USF3: variants seen among roughly 807,000 people sequenced by gnomAD.
USF3 encodes the protein upstream transcription factor family member 3, also known as basic helix-loop-helix domain-containing protein USF3.
In USF3, 29 loss-of-function variants were observed where a neutral mutation model predicts 157.5. The observed-to-expected ratio is 0.18, with a 90% CI of 0.14 to 0.25. The LOEUF is 0.25. Ranked by LOEUF, USF3 falls within the 10% of genes least tolerant of loss-of-function variation. USF3 has a pLI of 1.00. For synonymous variants in USF3, 893 were observed against 941.4 expected (o/e 0.95, Z 0.94); for missense variants, 2,381 against 2,667.6 (o/e 0.89, Z 2.37).
At position 113,657,552 on chromosome 3, in the gene USF3, T is replaced by C. The variant is rs1433278460; in HGVS notation, c.4130A>G (p.Gln1377Arg). 7.4e-6 allele frequency: 12 copies of C among 1,614,082 alleles called. No individual in the cohort carries two copies. Among genetic ancestry groups the C allele is most frequent in the Non-Finnish European group, 1.0e-5 (12 of 1,180,044 alleles). The change falls in exon 7 of 7, where the codon CAG becomes CGG. Residue 1377 changes from glutamine (Q) to arginine (R), a missense_variant. Coordinates refer to ENST00000316407, the MANE Select transcript of USF3 (RefSeq NM_001009899.4). ...ISDQTQMMVS[Q>R]IPPNSSNSVV... ...TGAGTTTGAAGAATTAGGAGGGATC[T>C]GACTGACCATCATTTGAGTTTGGTC...
rs1377924828 is a variant in USF3 at position 113,659,057 on chromosome 3, T to C, written c.2625A>G (p.Leu875=). The change falls in exon 7 of 7, where the codon TTA becomes TTG. Residue 875 remains leucine (L), a synonymous_variant. Coordinates refer to ENST00000316407, the MANE Select transcript of USF3 (RefSeq NM_001009899.4). ...HSLGVLSSES[L]IPESVSKSKS... Reference sequence around the variant, plus strand: ...TAGATTTCGATACAGACTCAGGTATTAATGATTCAGAGCTTAGAACACCCA... The same window carrying C: ...TAGATTTCGATACAGACTCAGGTATCAATGATTCAGAGCTTAGAACACCCA... The C allele has an allele frequency of 1.2e-6, 2 of 1,614,066 alleles. No homozygotes were observed. Among genetic ancestry groups the C allele is most frequent in the African/African-American group, 1.3e-5 (1 of 74,928 alleles).
chr3:113,665,675 A>G (rs1251806372), intron 5 of USF3, among the ~76,000 whole-genome samples: 1 of 151,898 alleles, frequency 6.6e-6, no homozygotes, highest in Non-Finnish European at 1.5e-5. Flanking sequence ...AAATTACAAA[A>G]AAATTAGCCA....
At chr3:113,695,876 G>A (rs948301576) in intron 1 of USF3, among the ~76,000 whole-genome samples, 1 of 152,300 alleles carries the variant, frequency 6.6e-6, no homozygotes. Flanking sequence ...GAAAACACAA[G>A]CCTAACACTT....
At chr3:113,673,708 C>A (rs759121201) in intron 3 of USF3, among the ~76,000 whole-genome samples, 1 of 152,150 alleles carries the variant, frequency 6.6e-6, no homozygotes, top group Non-Finnish European at 1.5e-5. Context: ...GGTAAATTCA[C>A]GAAGTGATGT....
Position 113,654,767 on chromosome 3 carries a change from T to G in USF3, c.*177A>C. On this transcript the variant is annotated 3_prime_UTR_variant, in exon 7 of 7. Transcript: ENST00000316407. The stretch of plus-strand genomic sequence containing the variant: ...CAGTTGAAAACGAAAGATAACTTGT[T>G]TTCTGACAACCCAGTATCTGCATCT... 1.6e-6 allele frequency: 1 copy of G among 610,190 alleles called. No homozygotes were observed. The highest frequency in any genetic ancestry group is 2.7e-6 in the Non-Finnish European group (1 of 372,708). The allele number at this position is 610,190 out of a possible 1,614,324, so 37.8% of individuals were successfully genotyped here.
chr3:113,670,123 G>C lies in USF3; in HGVS notation c.157C>G (p.Gln53Glu), dbSNP rs200256717. 13 of 1,607,014 alleles carry C rather than the reference G, an allele frequency of 8.1e-6. No homozygotes were observed. The highest frequency in any genetic ancestry group is 2.7e-5 in the African/African-American group (2 of 74,782). Residue 53 changes from glutamine to glutamate, a missense_variant and splice_region_variant, in exon 5 of 7, where the codon CAG becomes GAG. By Grantham distance (29) the Gln-to-Glu change is conservative (BLOSUM62 2). Coordinates refer to ENST00000316407, the MANE Select transcript of USF3 (RefSeq NM_001009899.4). Reference protein sequence around the residue: ...ELIPCSPALKQSKNMILDQAF... With the variant: ...ELIPCSPALKESKNMILDQAF... ...GAAGATATGAGTAGACTTCTTACCT[G>C]CTTCAGGGCAGGAGAACATGGGATC...
At position 113,652,880 on chromosome 3, in the gene USF3, C is replaced by A. The variant is rs1947289173; in HGVS notation, c.*2064G>T. Reference sequence around the variant, plus strand: ...CTGAGGCTCAAGAATTTGCTTGAACCCAGGAGGCAGAGGCTGCAGTGAGCC... The same window carrying A: ...CTGAGGCTCAAGAATTTGCTTGAACACAGGAGGCAGAGGCTGCAGTGAGCC... On this transcript the variant is annotated 3_prime_UTR_variant, in exon 7 of 7. Coordinates refer to ENST00000316407, the MANE Select transcript of USF3 (RefSeq NM_001009899.4). 1 of 341,150 alleles carries A rather than the reference C, an allele frequency of 2.9e-6. No individual in the cohort carries two copies. Among genetic ancestry groups the A allele is most frequent in the Non-Finnish European group, 5.4e-6 (1 of 183,772 alleles). The allele number at this position is 341,150 out of a possible 1,614,324, so 21.1% of individuals were successfully genotyped here.
intron 1 of USF3, among the ~76,000 whole-genome samples, chr3:113,679,411 CTTTTTTT>C (rs34641216): frequency 8.5e-6 from 1 of 118,040 alleles, no homozygotes; most frequent in African/African-American, 3.2e-5. Flanking sequence ...AGAGAAAGTT[CTTTTTTT>C]TTTTTTTTTT....
rs756023909 is a variant in USF3 at position 113,657,166 on chromosome 3, G to C, written c.4516C>G (p.Pro1506Ala). 3.1e-6 allele frequency: 5 copies of C among 1,614,172 alleles called. No individual in the cohort carries two copies. Among genetic ancestry groups the C allele is most frequent in the Non-Finnish European group, 4.2e-6 (5 of 1,180,038 alleles). ...GTCCTCTGTTGGTGGACATTATGGG[G>C]CTGAGAGTGGACAGAGCTCTCTGCA... is the stretch of plus-strand genomic sequence containing the variant. ...PHAESSVHSQPHNVHQQRTLQ... is the reference protein window; with the variant it reads ...PHAESSVHSQAHNVHQQRTLQ... The change falls in exon 7 of 7, where the codon CCC becomes GCC. Residue 1506 changes from proline to alanine, a missense_variant. Transcript: ENST00000316407.
At chr3:113,666,248 CTT>C (rs1232834885) in intron 5 of USF3, among the ~76,000 whole-genome samples, 1 of 101,788 alleles carries the variant, frequency 9.8e-6, no homozygotes, top group Non-Finnish European at 1.9e-5. Flanking sequence ...AGACATCTTT[CTT>C]TTTTTTTTTT....
intron 1 of USF3, among the ~76,000 whole-genome samples, chr3:113,680,770 C>T (rs557452435): frequency 1.3e-4 from 19 of 145,854 alleles, no homozygotes; most frequent in African/African-American, 4.8e-4. Context: ...GCCACTCCAG[C>T]GTGAGTGACA....
intron 4 of USF3, among the ~76,000 whole-genome samples, chr3:113,673,031 A>C (rs1435194686): frequency 6.6e-6 from 1 of 152,206 alleles, no homozygotes; most frequent in African/African-American, 2.4e-5. Flanking sequence ...ATTGCTGCAA[A>C]GATACATACC....
At position 113,654,375 on chromosome 3, in the gene USF3, G is replaced by A. The variant is rs1264306187; in HGVS notation, c.*569C>T. The A allele has an allele frequency of 2.0e-5, 3 of 152,638 alleles. No individual in the cohort carries two copies. The highest frequency in any genetic ancestry group is 2.1e-4 in the South Asian group (1 of 4,838). The allele number at this position is 152,638 out of a possible 1,614,324, so 9.5% of individuals were successfully genotyped here. A position where few individuals can be genotyped will look rare whatever the true frequency, so the allele number is the denominator to read the frequency against. ...ATTGTTATAATTTAGAAAGAAGCCT[G>A]TATCTAAACCAAACTTTGAGAATAA... On this transcript the variant is annotated 3_prime_UTR_variant, in exon 7 of 7. Coordinates refer to ENST00000316407, the MANE Select transcript of USF3 (RefSeq NM_001009899.4).
chr3:113,692,830 A>C (rs1220101201), intron 1 of USF3, among the ~76,000 whole-genome samples: 2 of 152,226 alleles, frequency 1.3e-5, no homozygotes, highest in African/African-American at 4.8e-5. Context: ...AATGAGAAAA[A>C]GAAAAATTAT....
Position 113,652,974 on chromosome 3 carries a change from A to G in USF3, c.*1970T>C. 1 of 1,091,072 alleles carries G rather than the reference A, an allele frequency of 9.2e-7. No individual in the cohort carries two copies. Among genetic ancestry groups the G allele is most frequent in the Non-Finnish European group, 1.3e-6 (1 of 783,032 alleles). 67.6% of individuals were successfully genotyped at this position (1,091,072 alleles called of 1,614,324 possible). ...CTTGAATATCTCCTGAGGAAGAGGA[A>G]CTTGAAAAAGGAATATTCAAGGTGC... is the stretch of plus-strand genomic sequence containing the variant. On this transcript the variant is annotated 3_prime_UTR_variant, in exon 7 of 7. Transcript: ENST00000316407.
chr3:113,686,973 C>T (rs531352065), intron 1 of USF3, among the ~76,000 whole-genome samples: 22 of 152,244 alleles, frequency 1.4e-4, no homozygotes, highest in Admixed American at 7.2e-4. Flanking sequence ...GTCTAGCCCA[C>T]ACGCAAAGCG....
chr3:113,676,984 A>C (rs1707296744), intron 2 of USF3, among the ~76,000 whole-genome samples: 1 of 152,222 alleles, frequency 6.6e-6, no homozygotes, highest in Non-Finnish European at 1.5e-5. Flanking sequence ...GTTAGCTTTA[A>C]ATGTTAGTGA....
rs200908920 is a variant in USF3, at chr3:113,656,682, C to A, written c.5000G>T (p.Ser1667Ile). The change falls in exon 7 of 7, where the codon AGT becomes ATT. Residue 1667 changes from serine to isoleucine, a missense_variant. Transcript: ENST00000316407. ...TCCAATGAGTGCCTCAGCAGAATAA[C>A]TTGAAACTCTATTTCTCTCTGGCCT... ...PHRPERNRVS[S>I]YSAEALIGKT... 1 of 1,614,170 alleles carries A rather than the reference C, an allele frequency of 6.2e-7. No homozygotes were observed. Among genetic ancestry groups the A allele is most frequent in the Admixed American group, 1.7e-5 (1 of 60,032 alleles).
In USF3 at chr3:113,661,149, T is replaced by C; in HGVS notation, c.533A>G (p.Lys178Arg). 3 of 1,614,202 alleles carry C rather than the reference T, an allele frequency of 1.9e-6. No individual in the cohort carries two copies. The highest frequency in any genetic ancestry group is 2.5e-6 in the Non-Finnish European group (3 of 1,180,028). The change falls in exon 7 of 7, where the codon AAG becomes AGG. Residue 178 changes from lysine (K) to arginine (R), a missense_variant. Coordinates refer to ENST00000316407, the MANE Select transcript of USF3 (RefSeq NM_001009899.4). ...TACTGGCACCACATTGGCGGTCTGC[T>C]TTTGTAAATTATGACTAACATTAAA... ...ITFNVSHNLQ[K>R]QTANVVPVQR...
Sources: gnomAD v4.1 joint callset for allele counts (sites outside exome capture counted in the v4.1 genomes callset) on GRCh38, gnomAD v4.1.1 for gene constraint, MANE v1.5 for transcripts, NCBI Gene and HGNC (gene_info 2026-07-23, HGNC 2026-07-21) for gene names.